The following PLCB4 variants were observed in gnomAD, a reference collection of about 807,000 sequenced individuals.
PLCB4 encodes phospholipase C beta 4.
Under a neutral mutation model 178.8 loss-of-function variants are expected in PLCB4, and 77 were observed. The observed-to-expected ratio is 0.43, with a 90% confidence interval of 0.36 to 0.52. The LOEUF (loss-of-function observed/expected upper bound fraction) is 0.52. PLCB4 is among the 20% of genes least tolerant of loss of function. PLCB4 has a pLI of 0.00. For synonymous variants in PLCB4, 496 were observed against 490.8 expected, an observed-to-expected ratio of 1.01 and a Z score of -0.14; for missense variants, 1,024 against 1,453.4, an observed-to-expected ratio of 0.70 and a Z score of 4.80.
At chr20:9,270,349 T>A (rs1025925388) in intron 3 of PLCB4, among the ~76,000 whole-genome samples, 6 of 152,130 alleles carry the variant, frequency 3.9e-5, no homozygotes, top group Non-Finnish European at 8.8e-5. Flanking sequence ...TCTCTTCCCA[T>A]CTATACCTCC....
intron 3 of PLCB4, among the ~76,000 whole-genome samples, chr20:9,249,466 C>A (rs1423644807): frequency 1.3e-5 from 2 of 152,068 alleles, no homozygotes; most frequent in East Asian, 3.9e-4. Context: ...TGCCACCATG[C>A]CCAACTAATT....
chr20:9,473,472 A>G (rs1273705067), intron 38 of PLCB4, 107 bp downstream of exon 38: 3 of 529,068 alleles, frequency 5.7e-6, no homozygotes. Flanking sequence ...ATTGAAAGGT[A>G]GATAGAAGAA....
chr20:9,341,625 T>C (rs576836271), intron 7 of PLCB4, among the ~76,000 whole-genome samples: 97 of 150,396 alleles, frequency 6.4e-4, no homozygotes, highest in African/African-American at 2.4e-3. Context: ...GTGGAGGAGG[T>C]GGAAGTGGAG....
At chr20:9,225,769 G>A (rs1009327619) in intron 3 of PLCB4, among the ~76,000 whole-genome samples, 2 of 152,192 alleles carry the variant, frequency 1.3e-5, no homozygotes, top group Middle Eastern at 3.2e-3. Flanking sequence ...TTCTATAAGA[G>A]AGAGGGAACA....
chr20:9,250,546 G>A (rs941702780), intron 3 of PLCB4, among the ~76,000 whole-genome samples: 1 of 152,180 alleles, frequency 6.6e-6, no homozygotes, highest in African/African-American at 2.4e-5. Flanking sequence ...TTGTTTGTTT[G>A]TTACACATCC....
intron 19 of PLCB4, among the ~76,000 whole-genome samples, chr20:9,399,189 G>T (rs1478790953): frequency 1.3e-5 from 2 of 152,134 alleles, no homozygotes; most frequent in Non-Finnish European, 2.9e-5. Context: ...TGACTCCCAT[G>T]TTATTCCAAA....
chr20:9,206,263 T>C (rs941680949), intron 2 of PLCB4, among the ~76,000 whole-genome samples: 2 of 150,072 alleles, frequency 1.3e-5, no homozygotes, highest in African/African-American at 2.4e-5. Flanking sequence ...TCTGTGTCCC[T>C]CCCACATCCC....
rs369911155 is a variant in PLCB4 at position 9,114,086 on chromosome 20, C to T, written c.-79+17744C>T. On this transcript the variant is annotated intron_variant, in intron 2 of 39. Coordinates refer to ENST00000378473, the MANE Select transcript of PLCB4 (RefSeq NM_001377142.1). ...AAAATTAGCTGGGTGTGGTGGTGCA[C>T]GCCTGTAATCCCAGCTACTCGGGAG... 9.9e-5 allele frequency among the ~76,000 whole-genome samples: 15 copies of T among 152,056 alleles called. No individual in the cohort carries two copies. The South Asian group carries it at 1.7e-3, about 17-fold the overall frequency.
intron 4 of PLCB4, among the ~76,000 whole-genome samples, chr20:9,329,682 T>C (rs2031341374): frequency 6.6e-6 from 1 of 152,188 alleles, no homozygotes; most frequent in Non-Finnish European, 1.5e-5. Flanking sequence ...GAGCTACACA[T>C]GCTGTTATTT....
intron 1 of PLCB4, among the ~76,000 whole-genome samples, chr20:9,091,125 A>G (rs2090659496): frequency 6.6e-6 from 1 of 152,138 alleles, no homozygotes; most frequent in Admixed American, 6.6e-5. Flanking sequence ...TTTGTACCAT[A>G]CATGGGAGAG....
At chr20:9,366,832 A>G (rs1165227378) in intron 9 of PLCB4, among the ~76,000 whole-genome samples, 3 of 152,270 alleles carry the variant, frequency 2.0e-5, no homozygotes, top group African/African-American at 7.2e-5. Context: ...ACTCAGGTTC[A>G]TGTTCACTTC....
At chr20:9,272,899 T>TC (rs202006056) in intron 3 of PLCB4, among the ~76,000 whole-genome samples, 2 of 151,018 alleles carry the variant, frequency 1.3e-5, no homozygotes, top group African/African-American at 4.9e-5. Flanking sequence ...TTTTTTTTTT[T>TC]CATTTCATTT....
chr20:9,428,913 T>G (rs150674173), intron 28 of PLCB4, among the ~76,000 whole-genome samples: 123 of 152,242 alleles, frequency 8.1e-4, no homozygotes, highest in African/African-American at 2.8e-3. Context: ...AATTGCTATC[T>G]TCATTTCCAT....
intron 3 of PLCB4, among the ~76,000 whole-genome samples, chr20:9,230,816 C>T (rs561951998): frequency 1.3e-4 from 20 of 152,102 alleles, no homozygotes; most frequent in Admixed American, 2.0e-4. Flanking sequence ...ACCCAGAGTA[C>T]GAGAGCAAAA....
intron 6 of PLCB4, 69 bp downstream of exon 6, chr20:9,338,136 G>A: frequency 9.4e-7 from 1 of 1,059,352 alleles, no homozygotes. Flanking sequence ...ATGGCTTCTA[G>A]AGATAAAAAA....
chr20:9,479,310 G>T lies in PLCB4; in HGVS notation c.*301G>T, dbSNP rs112447507. On this transcript the variant is annotated 3_prime_UTR_variant, in exon 40 of 40. Coordinates refer to ENST00000378473, the MANE Select transcript of PLCB4 (RefSeq NM_001377142.1). Reference sequence around the variant, plus strand: ...ACCATCACAAGTAAATGAGCTTGGTGTGAACAACTCTCCTTTGTGATGCCT... The same window carrying T: ...ACCATCACAAGTAAATGAGCTTGGTTTGAACAACTCTCCTTTGTGATGCCT... The T allele has an allele frequency of 1.7e-3, 614 of 354,856 alleles. 8 individuals are homozygous for T. The highest frequency in any genetic ancestry group is 0.012 in the African/African-American group (566 of 47,578). 22.0% of individuals were successfully genotyped at this position (354,856 alleles called of 1,614,324 possible). A position where few individuals can be genotyped will look rare whatever the true frequency, so the allele number is the denominator to read the frequency against.
chr20:9,450,658 C>CTTTTTTTTT (rs60982044), intron 32 of PLCB4, among the ~76,000 whole-genome samples: 27 of 100,262 alleles, frequency 2.7e-4, no homozygotes, highest in Non-Finnish European at 3.3e-4. Context: ...CTTTTCTTTT[C>CTTTTTTTTT]TTTTTTTTTT....
chr20:9,453,607 T>C, intron 33 of PLCB4, 145 bp downstream of exon 33: 1 of 591,196 alleles, frequency 1.7e-6, no homozygotes. Context: ...AGTAAGAAAC[T>C]CATTCATTTT....
intron 28 of PLCB4, among the ~76,000 whole-genome samples, chr20:9,425,551 T>G (rs747921681): frequency 4.6e-5 from 7 of 152,388 alleles, no homozygotes; most frequent in Non-Finnish European, 8.8e-5. Flanking sequence ...TAGGGAGATC[T>G]GTGCTGCAGA....
Sources: allele counts gnomAD v4.1 joint callset (sites outside exome capture counted in the v4.1 genomes callset), GRCh38; gene constraint gnomAD v4.1.1; transcripts MANE v1.5; gene names NCBI Gene and HGNC (gene_info 2026-07-23, HGNC 2026-07-21).